LARS2: variants seen among roughly 807,000 people sequenced by gnomAD.
LARS2 encodes leucine--tRNA ligase, mitochondrial.
LARS2 carries 81 observed loss-of-function variants against 116.6 expected under a neutral mutation model. That is an observed-to-expected ratio of 0.69 (90% confidence interval 0.58 to 0.84). LARS2 has a LOEUF of 0.84. Among genes scored for constraint, LARS2 ranks in the 40% least tolerant of loss-of-function variants. LARS2 has a pLI of 0.00. For synonymous variants in LARS2, 396 were observed against 407.2 expected, an observed-to-expected ratio of 0.97 and a Z score of 0.33; for missense variants, 968 against 1,114.5, an observed-to-expected ratio of 0.87 and a Z score of 1.87.
intron 8 of LARS2, among the ~76,000 whole-genome samples, chr3:45,469,224 T>A (rs1186040097): frequency 6.6e-6 from 1 of 152,222 alleles, no homozygotes; most frequent in East Asian, 1.9e-4. Context: ...TTGCTTGGAA[T>A]ACATATCACA....
rs188113837 is a variant in LARS2, at chr3:45,465,128, G to C, written c.750+6242G>C. Among the ~76,000 whole-genome samples the C allele has an allele frequency of 1.2e-3, 188 of 152,276 alleles. 1 individual carries two copies. Among genetic ancestry groups the C allele is most frequent in the Non-Finnish European group, 9.9e-4 (67 of 68,006 alleles). On this transcript the variant is annotated intron_variant, in intron 8 of 21. Coordinates refer to ENST00000645846, the MANE Select transcript of LARS2 (RefSeq NM_015340.4). ...CAGGATTCTCCCTCATGCTGGGGCTGTCTCTTCTCTTGGCTACAGTAGATT... is the reference window on the plus strand; with the variant it reads ...CAGGATTCTCCCTCATGCTGGGGCTCTCTCTTCTCTTGGCTACAGTAGATT...
At chr3:45,471,616 G>T (rs945489850) in intron 8 of LARS2, among the ~76,000 whole-genome samples, 1 of 152,182 alleles carries the variant, frequency 6.6e-6, no homozygotes. Flanking sequence ...ATTGGACTTA[G>T]TCAGGGAGAT....
intron 6 of LARS2, among the ~76,000 whole-genome samples, chr3:45,430,949 C>A (rs895647465): frequency 3.9e-5 from 6 of 152,110 alleles, no homozygotes; most frequent in African/African-American, 1.2e-4. Context: ...TATATTGAAT[C>A]TCTAATCCCC....
intron 5 of LARS2, among the ~76,000 whole-genome samples, chr3:45,419,463 A>G (rs1032404917): frequency 1.4e-4 from 21 of 152,332 alleles, no homozygotes; most frequent in African/African-American, 3.4e-4. Context: ...TGGATTCTGT[A>G]TATGTCCAAA....
At chr3:45,533,047 C>A (rs1700641504) in intron 20 of LARS2, among the ~76,000 whole-genome samples, 1 of 151,374 alleles carries the variant, frequency 6.6e-6, no homozygotes, top group African/African-American at 2.4e-5. Context: ...CCCTGACAAG[C>A]TGCAGCCATA....
At chr3:45,478,421 A>C (rs919798886) in intron 10 of LARS2, among the ~76,000 whole-genome samples, 6 of 152,374 alleles carry the variant, frequency 3.9e-5, no homozygotes, top group Middle Eastern at 3.4e-3. Flanking sequence ...GGGAGCTATG[A>C]TTTGTTAATG....
At chr3:45,389,224 C>G (rs193114605) in intron 1 of LARS2, 3 of 151,408 alleles carry the variant, frequency 2.0e-5, no homozygotes, top group African/African-American at 7.3e-5. Context: ...ACACAGATGT[C>G]CTCGTGTGCT....
chr3:45,534,026 T>C (rs114836904), intron 20 of LARS2, among the ~76,000 whole-genome samples: 8 of 152,328 alleles, frequency 5.3e-5, no homozygotes, highest in African/African-American at 1.9e-4. Context: ...TAGGCATTTG[T>C]AGGAAAGCGG....
At chr3:45,536,767 C>CA (rs1288656357) in intron 20 of LARS2, among the ~76,000 whole-genome samples, 3 of 152,180 alleles carry the variant, frequency 2.0e-5, no homozygotes, top group African/African-American at 7.2e-5. Flanking sequence ...GAGAGTGTGT[C>CA]CTAAGCTGTC....
chr3:45,433,986 A>G (rs1283760940), intron 6 of LARS2, among the ~76,000 whole-genome samples: 1 of 152,104 alleles, frequency 6.6e-6, no homozygotes, highest in Non-Finnish European at 1.5e-5. Flanking sequence ...TAGGTAATGC[A>G]TTATTTCTCT....
At chr3:45,441,447 T>C (rs995338557) in intron 6 of LARS2, among the ~76,000 whole-genome samples, 1 of 152,194 alleles carries the variant, frequency 6.6e-6, no homozygotes, top group African/African-American at 2.4e-5. Context: ...TTTCATTGCT[T>C]CTGTTTTCTA....
At chr3:45,465,455 C>T (rs1206742552) in intron 8 of LARS2, among the ~76,000 whole-genome samples, 2 of 152,128 alleles carry the variant, frequency 1.3e-5, no homozygotes, top group African/African-American at 4.8e-5. Context: ...TGGGACTGGG[C>T]AGGGGTAGGA....
intron 18 of LARS2, among the ~76,000 whole-genome samples, chr3:45,518,478 A>G (rs1361000302): frequency 6.6e-6 from 1 of 152,190 alleles, no homozygotes; most frequent in Non-Finnish European, 1.5e-5. Context: ...TGGAAGGGGC[A>G]TTAAGAAACT....
chr3:45,399,153 C>G (rs1231776663), intron 3 of LARS2, among the ~76,000 whole-genome samples: 1 of 152,164 alleles, frequency 6.6e-6, no homozygotes, highest in Non-Finnish European at 1.5e-5. Flanking sequence ...GAACAACAAC[C>G]TTCTCCCTTT....
chr3:45,469,519 T>C (rs1699485551), intron 8 of LARS2, among the ~76,000 whole-genome samples: 1 of 152,098 alleles, frequency 6.6e-6, no homozygotes, highest in South Asian at 2.1e-4. Flanking sequence ...CTAATTTTTG[T>C]ATTTTTGTTA....
intron 6 of LARS2, among the ~76,000 whole-genome samples, chr3:45,429,796 G>A (rs913890937): frequency 1.4e-5 from 2 of 147,894 alleles, no homozygotes; most frequent in African/African-American, 5.0e-5. Context: ...CTGCTTCCTG[G>A]GCTTAAGTGA....
chr3:45,400,344 G>C lies in LARS2; in HGVS notation c.334G>C (p.Ala112Pro). 6.2e-7 allele frequency: 1 copy of C among 1,612,726 alleles called. No individual in the cohort carries two copies. Among genetic ancestry groups the C allele is most frequent in the East Asian group, 2.2e-5 (1 of 44,850 alleles). Residue 112 changes from alanine (A) to proline (P), a missense_variant, in exon 4 of 22, where the codon GCA (alanine) becomes CCA (proline). By Grantham distance (27) the Ala-to-Pro change is conservative. Coordinates refer to ENST00000645846, the MANE Select transcript of LARS2 (RefSeq NM_015340.4). ...VRVYTISDTI[A>P]RFQKMRGMQV... is the part of the protein sequence containing the mutation. ...TGTCTACACCATCAGCGACACCATA[G>C]CACGGTTCCAGAAGATGAGAGGGAT...
At chr3:45,444,914 T>C (rs1022159233) in intron 6 of LARS2, among the ~76,000 whole-genome samples, 3 of 152,076 alleles carry the variant, frequency 2.0e-5, no homozygotes, top group Non-Finnish European at 4.4e-5. Flanking sequence ...ATTGAACCTC[T>C]ATCCCTTAGA....
At chr3:45,428,790 TA>T (rs1298275732) in intron 6 of LARS2, among the ~76,000 whole-genome samples, 2 of 152,202 alleles carry the variant, frequency 1.3e-5, no homozygotes, top group Non-Finnish European at 2.9e-5. Flanking sequence ...AATAGTACAA[TA>T]AACATTCATA....
Sources: gnomAD v4.1 joint callset for allele counts (sites outside exome capture counted in the v4.1 genomes callset) on GRCh38, gnomAD v4.1.1 for gene constraint, MANE v1.5 for transcripts, NCBI Gene and HGNC (gene_info 2026-07-23, HGNC 2026-07-21) for gene names.